The following USP25 variants were observed in gnomAD, a reference collection of about 807,000 sequenced individuals.
USP25 encodes the protein ubiquitin carboxyl-terminal hydrolase 25.
In USP25, 85 loss-of-function variants were observed where a neutral mutation model predicts 158.5. That is an observed-to-expected ratio of 0.54 (90% CI 0.45 to 0.64). The LOEUF (loss-of-function observed/expected upper bound fraction) is 0.64. Ranked by LOEUF, USP25 falls within the 30% of genes least tolerant of loss-of-function variation. USP25 has a pLI of 0.00. For synonymous variants in USP25, 464 were observed against 460.4 expected (o/e 1.01, Z -0.10); for missense variants, 1,242 against 1,327.3 (o/e 0.94, Z 1.00).
At chr21:15,781,651 A>T (rs1047894040) in intron 4 of USP25, among the ~76,000 whole-genome samples, 1 of 152,078 alleles carries the variant, frequency 6.6e-6, no homozygotes, top group Non-Finnish European at 1.5e-5. Flanking sequence ...CAGGGAGGAG[A>T]CCAAAGTATC....
intron 18 of USP25, among the ~76,000 whole-genome samples, chr21:15,845,432 T>C (rs2038535438): frequency 6.6e-6 from 1 of 152,138 alleles, no homozygotes; most frequent in African/African-American, 2.4e-5. Context: ...ATTTTTATGG[T>C]ACTTTGGGAT....
At chr21:15,798,790 T>C (rs1325616407) in intron 5 of USP25, among the ~76,000 whole-genome samples, 1 of 151,344 alleles carries the variant, frequency 6.6e-6, no homozygotes, top group Non-Finnish European at 1.5e-5. Context: ...CTATGTAATC[T>C]GGCTCTATTT....
Position 15,824,086 on chromosome 21 carries a change from A to T in USP25, c.1128A>T (p.Arg376Ser). The T allele has an allele frequency of 6.2e-7, 1 of 1,613,718 alleles. No homozygotes were observed. Among genetic ancestry groups the T allele is most frequent in the Non-Finnish European group, 8.5e-7 (1 of 1,179,832 alleles). The stretch of plus-strand genomic sequence containing the variant: ...CTGTGTTAACATTTGAATTGTCAAG[A>T]TTTGAATTTAATCAGGCATTGGGAA... ...LPPVLTFELS[R>S]FEFNQALGRP... Residue 376 changes from arginine (R) to serine (S), a missense_variant, in exon 11 of 26, where the codon AGA (arginine) becomes AGT (serine). This residue lies in a region of USP25 where 627 missense variants were observed against 701.4 expected (regional missense o/e 0.89). Transcript: ENST00000400183.
rs114186257 is a variant in USP25, at chr21:15,871,826, T to C, written c.2885+1679T>C. 2.4e-3 allele frequency among the ~76,000 whole-genome samples: 362 copies of C among 152,006 alleles called. 5 individuals are homozygous for C. Among genetic ancestry groups the C allele is most frequent in the African/African-American group, 8.4e-3 (350 of 41,518 alleles). The stretch of plus-strand genomic sequence containing the variant: ...AATCAATAATGGTGACAGATATTAC[T>C]TGTGGAATATCTTTTAAAGAAATAT... On this transcript the variant is annotated intron_variant, in intron 23 of 25. Transcript: ENST00000400183.
chr21:15,748,159 G>A (rs1434223655), intron 1 of USP25, among the ~76,000 whole-genome samples: 3 of 152,132 alleles, frequency 2.0e-5, no homozygotes, highest in Non-Finnish European at 4.4e-5. Context: ...GAGAACCAGC[G>A]ACTTTATTGA....
Position 15,745,692 on chromosome 21 carries a change from T to G in USP25, c.45+15254T>G, listed in dbSNP as rs958541443. 2.6e-5 allele frequency among the ~76,000 whole-genome samples: 4 copies of G among 152,246 alleles called. 1 individual carries two copies. The highest frequency in any genetic ancestry group is 9.6e-5 in the African/African-American group (4 of 41,550). Reference sequence around the variant, plus strand: ...GGTTTCACCATGTTGGCCAGCCTGGTCTCGAACTCGCGACCTCAGGTGATC... The same window carrying G: ...GGTTTCACCATGTTGGCCAGCCTGGGCTCGAACTCGCGACCTCAGGTGATC... On this transcript the variant is annotated intron_variant, in intron 1 of 25. Transcript: ENST00000400183.
chr21:15,831,292 A>G, intron 15 of USP25, 109 bp from the exon 16 acceptor site: 1 of 1,011,270 alleles, frequency 9.9e-7, no homozygotes, highest in Non-Finnish European at 1.5e-6. Flanking sequence ...ATTTAAAAAA[A>G]AAAATGCTCT....
At chr21:15,767,596 A>G (rs1216030609) in intron 3 of USP25, among the ~76,000 whole-genome samples, 2 of 152,116 alleles carry the variant, frequency 1.3e-5, no homozygotes, top group Admixed American at 1.3e-4. Context: ...GAGAAGTGGT[A>G]TAAAGGTCAG....
intron 1 of USP25, among the ~76,000 whole-genome samples, chr21:15,730,851 G>T (rs532259293): frequency 1.8e-4 from 27 of 152,200 alleles, no homozygotes; most frequent in African/African-American, 5.5e-4. Flanking sequence ...TTTGCAAAAC[G>T]GTCTCCACCA....
At chr21:15,839,846 T>C (rs894248144) in intron 17 of USP25, among the ~76,000 whole-genome samples, 1 of 152,172 alleles carries the variant, frequency 6.6e-6, no homozygotes, top group African/African-American at 2.4e-5. Flanking sequence ...CATTATGGCA[T>C]GTTCATGAAG....
At chr21:15,772,665 C>G (rs2034424091) in intron 3 of USP25, among the ~76,000 whole-genome samples, 1 of 152,164 alleles carries the variant, frequency 6.6e-6, no homozygotes, top group South Asian at 2.1e-4. Flanking sequence ...TATCTGAGCG[C>G]TAGTTTTTAT....
rs1047444241 is a variant in USP25, at chr21:15,816,369, A to T, written c.932-2329A>T. Among the ~76,000 whole-genome samples, 1 of 152,168 alleles carries T rather than the reference A, an allele frequency of 6.6e-6. No individual in the cohort carries two copies. Among genetic ancestry groups the T allele is most frequent in the Admixed American group, 6.5e-5 (1 of 15,276 alleles). On this transcript the variant is annotated intron_variant, in intron 9 of 25. Transcript: ENST00000400183. The surrounding 1 kb of genome is among the most constrained non-coding windows in gnomAD (Gnocchi z 4.0). ...GATGTGTCTTTATCAGCAGCGTGAT[A>T]ATGGACTAATACACTTTCCATATTG...
intron 5 of USP25, among the ~76,000 whole-genome samples, chr21:15,794,835 A>T (rs2035779166): frequency 6.6e-6 from 1 of 151,554 alleles, no homozygotes. Flanking sequence ...AGGGTCTGGC[A>T]CATTGGAATA....
intron 1 of USP25, among the ~76,000 whole-genome samples, chr21:15,731,540 A>G (rs2030905806): frequency 6.6e-6 from 1 of 152,116 alleles, no homozygotes; most frequent in Admixed American, 6.6e-5. Flanking sequence ...CAGCCTGCTA[A>G]ATTTTTGCTT....
Position 15,791,683 on chromosome 21 carries a change from T to G in USP25, c.555+19T>G. Reference sequence around the variant, plus strand: ...TATTCAGGTAAGGATTTTTCTTTATTCAGTTCTTATTTGATGTGTGTGATA... The same window carrying G: ...TATTCAGGTAAGGATTTTTCTTTATGCAGTTCTTATTTGATGTGTGTGATA... On this transcript the variant is annotated intron_variant, in intron 5 of 25. Transcript: ENST00000400183. 6.3e-7 allele frequency: 1 copy of G among 1,598,864 alleles called. No homozygotes were observed. Among genetic ancestry groups the G allele is most frequent in the Non-Finnish European group, 8.5e-7 (1 of 1,172,666 alleles).
chr21:15,828,716 C>T (rs1467596963), intron 14 of USP25, among the ~76,000 whole-genome samples: 1 of 152,138 alleles, frequency 6.6e-6, no homozygotes, highest in Non-Finnish European at 1.5e-5. Context: ...CGGGCTCACT[C>T]CAGCCTCTGC....
intron 22 of USP25, among the ~76,000 whole-genome samples, chr21:15,867,767 A>C (rs2039720299): frequency 6.6e-6 from 1 of 152,132 alleles, no homozygotes; most frequent in Non-Finnish European, 1.5e-5. Context: ...ATAGTATCTG[A>C]AACTATGGAG....
intron 20 of USP25, among the ~76,000 whole-genome samples, chr21:15,850,173 T>C (rs896279185): frequency 6.6e-6 from 1 of 152,192 alleles, no homozygotes; most frequent in Middle Eastern, 3.4e-3. Context: ...ATGAGGACAT[T>C]AATGAACAAT....
At chr21:15,772,028 C>T (rs2034387283) in intron 3 of USP25, among the ~76,000 whole-genome samples, 1 of 152,070 alleles carries the variant, frequency 6.6e-6, no homozygotes, top group Admixed American at 6.5e-5. Flanking sequence ...AGATTATGGG[C>T]CAACTAGGCT....
Sources: gnomAD v4.1 joint callset for allele counts (sites outside exome capture counted in the v4.1 genomes callset) on GRCh38, gnomAD v4.1.1 for gene constraint, gnomAD v4.1.1 regional missense constraint, Gnocchi (gnomAD v3.1) non-coding constraint, MANE v1.5 for transcripts, NCBI Gene and HGNC (gene_info 2026-07-23, HGNC 2026-07-21) for gene names.